Variants in HSPG2 observed in about 807,000 individuals in gnomAD.
The protein encoded by HSPG2 is heparan sulfate proteoglycan 2, also known as basement membrane-specific heparan sulfate proteoglycan core protein.
In HSPG2, 278 loss-of-function variants were observed where a neutral mutation model predicts 526.6. That is an observed-to-expected ratio of 0.53 (90% CI 0.48 to 0.58). The LOEUF is 0.58. Ranked by LOEUF, HSPG2 falls within the 20% of genes least tolerant of loss-of-function variation. The pLI, the probability that HSPG2 is intolerant of heterozygous loss-of-function variation, is 0.00. For synonymous variants in HSPG2, 2,465 were observed against 2,555.4 expected (o/e 0.96, Z 1.07); for missense variants, 5,354 against 6,099.5 (o/e 0.88, Z 4.07).
intron 1 of HSPG2, among the ~76,000 whole-genome samples, chr1:21,906,909 C>G (rs1480335115): frequency 6.6e-6 from 1 of 152,126 alleles, no homozygotes; most frequent in East Asian, 1.9e-4. Context: ...AAGATATGCT[C>G]CCCAGTACCC....
Position 21,885,404 on chromosome 1 carries a change from C to T in HSPG2, c.1126G>A (p.Val376Ile), listed in dbSNP as rs766140655. The T allele has an allele frequency of 2.7e-5, 43 of 1,614,046 alleles. No individual in the cohort carries two copies. The highest frequency in any genetic ancestry group is 2.6e-4 in the South Asian group (24 of 91,070). ...GCTGGGATGCACATGTTGGTAGAGACGCATCGGAACTGTGTGGGCCCGCAC... is the reference window on the plus strand; with the variant it reads ...GCTGGGATGCACATGTTGGTAGAGATGCATCGGAACTGTGTGGGCCCGCAC... Reference protein sequence around the residue: ...EVCGPTQFRCVSTNMCIPASF... With the variant: ...EVCGPTQFRCISTNMCIPASF... Residue 376 changes from valine to isoleucine, a missense_variant, in exon 10 of 97, where the codon GTC becomes ATC. Val to Ile is a conservative substitution (Grantham distance 29). Transcript: ENST00000374695.
chr1:21,854,905 C>A lies in HSPG2; in HGVS notation c.6076G>T (p.Val2026Leu), dbSNP rs886046033. ...GCAGTGCCTGCAGGGCTGGTGGCCA[C>A]GCAGAGGTAGAAGCCGGCGTCAGCA... ...TTADAGFYLC[V>L]ATSPAGTAQA... Residue 2026 changes from valine to leucine, a missense_variant, in exon 48 of 97, where the codon GTG becomes TTG. Val to Leu is a conservative substitution (Grantham distance 32). Coordinates refer to ENST00000374695, the MANE Select transcript of HSPG2 (RefSeq NM_005529.7). 3.7e-6 allele frequency: 6 copies of A among 1,613,988 alleles called. No individual in the cohort carries two copies.
In HSPG2 at chr1:21,855,926, A is replaced by T. The variant is rs555424833; in HGVS notation, c.5576-14T>A. On this transcript the variant is annotated splice_polypyrimidine_tract_variant and intron_variant, in intron 44 of 96. Transcript: ENST00000374695. Reference sequence around the variant, plus strand: ...AGGTGCCCGAGGCTGACAAGGGAGGAAAAGGAACATGCACTCAGGGTGGGG... The same window carrying T: ...AGGTGCCCGAGGCTGACAAGGGAGGTAAAGGAACATGCACTCAGGGTGGGG... The T allele has an allele frequency of 2.4e-5, 39 of 1,606,116 alleles. No homozygotes were observed. In the South Asian group the frequency reaches 3.7e-4, roughly 15 times the overall value.
At chr1:21,838,777 G>A (rs374270020) in intron 74 of HSPG2, 48 bp downstream of exon 74, 23 of 1,598,646 alleles carry the variant, frequency 1.4e-5, no homozygotes, top group Non-Finnish European at 2.0e-5. Context: ...TCATCAAAGG[G>A]CCAGGAGGAA....
At chr1:21,929,362 G>C (rs1449175167) in intron 1 of HSPG2, among the ~76,000 whole-genome samples, 1 of 152,112 alleles carries the variant, frequency 6.6e-6, no homozygotes, top group East Asian at 1.9e-4. Context: ...ATGTGAGCCA[G>C]TCCAACCCCC....
chr1:21,932,529 C>T lies in HSPG2; in HGVS notation c.63+4626G>A, dbSNP rs143726665. On this transcript the variant is annotated intron_variant, in intron 1 of 96. Transcript: ENST00000374695. ...GAACAAAAACAAATGAGGTCCTGCT[C>T]TCGTAGAACTTAAACTGAGCAGGAG... Among the ~76,000 whole-genome samples, 163 of 152,330 alleles carry T rather than the reference C, an allele frequency of 1.1e-3. 2 individuals are homozygous for T. Among genetic ancestry groups the T allele is most frequent in the African/African-American group, 3.7e-3 (154 of 41,576 alleles).
intron 91 of HSPG2, among the ~76,000 whole-genome samples, chr1:21,825,567 AT>A (rs1344536418): frequency 2.0e-5 from 3 of 152,066 alleles, no homozygotes; most frequent in Non-Finnish European, 4.4e-5. Context: ...CTCATGACCC[AT>A]CCCACAGGCC....
chr1:21,920,812 G>C (rs910645160), intron 1 of HSPG2, among the ~76,000 whole-genome samples: 1 of 152,182 alleles, frequency 6.6e-6, no homozygotes, highest in African/African-American at 2.4e-5. Flanking sequence ...AGCCCAGGGA[G>C]GAATCCAGGC....
chr1:21,908,364 TA>T, intron 1 of HSPG2: 1 of 1,080,388 alleles, frequency 9.3e-7, no homozygotes, highest in Non-Finnish European at 1.4e-6. Context: ...CCAAGAGAAT[TA>T]ATGTGCGTAT....
chr1:21,861,396 G>A (rs575290260), intron 39 of HSPG2, among the ~76,000 whole-genome samples: 2 of 152,052 alleles, frequency 1.3e-5, no homozygotes, highest in African/African-American at 2.4e-5. Context: ...GGTGGCTCAC[G>A]CCTGTAATGC....
In HSPG2 at chr1:21,850,815, G is replaced by A. The variant is rs12724454; in HGVS notation, c.7159-317C>T. ...TCTTAGAGGTACATAAAATCATAGC[G>A]GATCTCGCAATCAGTGGTATCCTAA... On this transcript the variant is annotated intron_variant, in intron 55 of 96. Coordinates refer to ENST00000374695, the MANE Select transcript of HSPG2 (RefSeq NM_005529.7). 0.041 allele frequency among the ~76,000 whole-genome samples: 6,194 copies of A among 152,218 alleles called. 180 individuals are homozygous for A. Among genetic ancestry groups the A allele is most frequent in the South Asian group, 0.11 (513 of 4,818 alleles).
At chr1:21,838,186 A>G (rs2098034746) in intron 74 of HSPG2, among the ~76,000 whole-genome samples, 2 of 151,100 alleles carry the variant, frequency 1.3e-5, no homozygotes, top group South Asian at 4.2e-4. Flanking sequence ...AAAAAGGTTC[A>G]GTGACTTGGC....
chr1:21,878,998 G>T lies in HSPG2; in HGVS notation c.2467C>A (p.Arg823Ser). 1 of 1,613,624 alleles carries T rather than the reference G, an allele frequency of 6.2e-7. No homozygotes were observed. Among genetic ancestry groups the T allele is most frequent in the Non-Finnish European group, 8.5e-7 (1 of 1,179,804 alleles). Reference protein sequence around the residue: ...PCPCPYIDASRRFSDTCFLDT... With the variant: ...PCPCPYIDASSRFSDTCFLDT... ...TGACCCGGAGCTGGGGCTGACCTGC[G>T]GGAGGCATCGATGTATGGGCAAGGG... Residue 823 changes from arginine (R) to serine (S), a missense_variant, in exon 18 of 97, where the codon CGC (arginine) becomes AGC (serine). Coordinates refer to ENST00000374695, the MANE Select transcript of HSPG2 (RefSeq NM_005529.7).
chr1:21,906,173 G>A (rs763207863), intron 1 of HSPG2, among the ~76,000 whole-genome samples: 9 of 152,342 alleles, frequency 5.9e-5, no homozygotes, highest in South Asian at 4.1e-4. Flanking sequence ...TGGTCCCGCC[G>A]ATGATGCCTG....
At position 21,864,347 on chromosome 1, in the gene HSPG2, A is replaced by T; in HGVS notation, c.4627-134T>A. On this transcript the variant is annotated intron_variant, in intron 36 of 96. Coordinates refer to ENST00000374695, the MANE Select transcript of HSPG2 (RefSeq NM_005529.7). The surrounding 1 kb of genome is among the most constrained non-coding windows in gnomAD (Gnocchi z 4.8). ...CACAGGCCGGCGCCCCTCCTTCCCC[A>T]CTTCTGCTCAGTCTGTCCTCCCACC... 1 of 742,978 alleles carries T rather than the reference A, an allele frequency of 1.3e-6. No individual in the cohort carries two copies. The highest frequency in any genetic ancestry group is 2.4e-6 in the Non-Finnish European group (1 of 416,360). 46.0% of individuals were successfully genotyped at this position (742,978 alleles called of 1,614,324 possible).
intron 66 of HSPG2, 63 bp downstream of exon 66, chr1:21,843,234 G>A (rs1350785981): frequency 6.2e-7 from 1 of 1,605,452 alleles, no homozygotes; most frequent in East Asian, 2.2e-5. Flanking sequence ...GAGGAGAGGA[G>A]CAGAGCTGGG....
At chr1:21,871,970 A>G (rs1048502219) in intron 33 of HSPG2, among the ~76,000 whole-genome samples, 23 of 152,250 alleles carry the variant, frequency 1.5e-4, no homozygotes, top group African/African-American at 4.8e-4. Flanking sequence ...ACGATCTCCA[A>G]TCCCCTCAGC....
chr1:21,842,324 A>G lies in HSPG2; in HGVS notation c.8967T>C (p.Tyr2989=), dbSNP rs771857307. 19 of 1,612,392 alleles carry G rather than the reference A, an allele frequency of 1.2e-5. No homozygotes were observed. The Admixed American group carries it at 2.7e-4, about 23-fold the overall frequency. The change falls in exon 68 of 97, where the codon TAT becomes TAC. Residue 2989 remains tyrosine, a synonymous_variant. Transcript: ENST00000374695. The stretch of plus-strand genomic sequence containing the variant: ...CTGGGCCGCTGGCTGCACGACACAC[A>G]TACTCGCCTGAGTCGGCAGGGGAGA... ...HLVSPADSGE[Y]VCRAASGPGP... is the part of the protein sequence containing the mutation.
intron 1 of HSPG2, among the ~76,000 whole-genome samples, chr1:21,906,252 C>T (rs1430935492): frequency 2.0e-5 from 3 of 152,310 alleles, no homozygotes; most frequent in East Asian, 3.9e-4. Flanking sequence ...AAGAGCATCC[C>T]GGAGGGGTGG....
Sources: gnomAD v4.1 joint callset for allele counts (sites outside exome capture counted in the v4.1 genomes callset) on GRCh38, gnomAD v4.1.1 for gene constraint, Gnocchi (gnomAD v3.1) non-coding constraint, MANE v1.5 for transcripts, NCBI Gene and HGNC (gene_info 2026-07-23, HGNC 2026-07-21) for gene names.